Variants in NBAS observed in about 807,000 individuals in gnomAD.
NBAS encodes NBAS subunit of NRZ tethering complex.
NBAS carries 219 observed loss-of-function variants against 302.5 expected under a neutral mutation model. That is an observed-to-expected ratio of 0.72 (90% confidence interval 0.65 to 0.81). The LOEUF (loss-of-function observed/expected upper bound fraction) is 0.81, where lower values mean the gene tolerates loss of function less well. NBAS is among the 30% of genes least tolerant of loss of function. The pLI, the probability that NBAS is intolerant of heterozygous loss-of-function variation, is 0.00. For synonymous variants in NBAS, 1,118 were observed against 1,021.6 expected (o/e 1.09, Z -1.80); for missense variants, 2,932 against 2,841.6 (o/e 1.03, Z -0.72).
chr2:14,977,710 TAG>T, the NBAS span, among the ~76,000 whole-genome samples: 1 of 152,220 alleles, frequency 6.6e-6, no homozygotes, highest in Non-Finnish European at 1.5e-5. Context: ...CTTGGACAAT[TAG>T]AGTCTTTCCC....
chr2:14,997,991 C>T, the NBAS span, among the ~76,000 whole-genome samples: 3 of 152,156 alleles, frequency 2.0e-5, no homozygotes, highest in African/African-American at 7.2e-5. Context: ...TCGCTTTTTC[C>T]CATTCAGAAA....
At chr2:15,241,955 G>A (rs555801161) in intron 44 of NBAS, among the ~76,000 whole-genome samples, 39 of 152,206 alleles carry the variant, frequency 2.6e-4, no homozygotes, top group Admixed American at 1.4e-3. Context: ...TTTACTTGCC[G>A]TCTTGTCTCA....
rs1339271484 is a variant in NBAS at position 15,379,606 on chromosome 2, C to A, written c.3586G>T (p.Ala1196Ser). The change falls in exon 30 of 52, where the codon GCC becomes TCC. Residue 1196 changes from alanine (A) to serine (S), a missense_variant. Transcript: ENST00000281513. Reference protein sequence around the residue: ...TNLTDSCMDLARCCLQLITDR... With the variant: ...TNLTDSCMDLSRCCLQLITDR... ...AAGAATATAGAGTTATTCTACCTGGCTAGATCCATGCAGCTATCAGTGAGG... is the reference window on the plus strand; with the variant it reads ...AAGAATATAGAGTTATTCTACCTGGATAGATCCATGCAGCTATCAGTGAGG... 2.5e-6 allele frequency: 4 copies of A among 1,613,614 alleles called. No homozygotes were observed. In the African/African-American group the frequency reaches 4.0e-5, roughly 16 times the overall value.
chr2:15,383,761 T>C (rs947861417), intron 28 of NBAS, among the ~76,000 whole-genome samples: 4 of 152,142 alleles, frequency 2.6e-5, no homozygotes, highest in Non-Finnish European at 5.9e-5. Context: ...AACTGAACAT[T>C]CACATCCATA....
Position 15,190,251 on chromosome 2 carries a change from T to C in NBAS, c.6572+13A>G, listed in dbSNP as rs1338530556. On this transcript the variant is annotated intron_variant, in intron 49 of 51. Transcript: ENST00000281513. Reference sequence around the variant, plus strand: ...AAGAACTCTAATTACGCTAATTTTATGTTAATACTTACACATATTCACTTT... The same window carrying C: ...AAGAACTCTAATTACGCTAATTTTACGTTAATACTTACACATATTCACTTT... 1 of 1,613,744 alleles carries C rather than the reference T, an allele frequency of 6.2e-7. No individual in the cohort carries two copies. Among genetic ancestry groups the C allele is most frequent in the Non-Finnish European group, 8.5e-7 (1 of 1,179,736 alleles).
intron 6 of NBAS, among the ~76,000 whole-genome samples, chr2:15,540,508 C>T (rs1417842112): frequency 6.6e-6 from 1 of 151,938 alleles, no homozygotes; most frequent in East Asian, 1.9e-4. Flanking sequence ...ATAAACAGAT[C>T]ACATTCTTCT....
chr2:15,468,681 G>C, intron 16 of NBAS, 148 bp from the exon 17 acceptor site: 1 of 889,168 alleles, frequency 1.1e-6, no homozygotes, highest in Non-Finnish European at 1.8e-6. Context: ...GAACTCAAGA[G>C]AAAAGCAGCC....
chr2:15,504,550 A>T (rs995993309), intron 10 of NBAS, among the ~76,000 whole-genome samples: 3 of 152,220 alleles, frequency 2.0e-5, no homozygotes, highest in African/African-American at 7.2e-5. Flanking sequence ...GTATAGAAAA[A>T]GCTAAAACTT....
intron 44 of NBAS, among the ~76,000 whole-genome samples, chr2:15,263,151 C>T (rs1483430139): frequency 6.6e-6 from 1 of 152,150 alleles, no homozygotes; most frequent in African/African-American, 2.4e-5. Context: ...ATATATGTAT[C>T]TTTTCTTGAG....
At chr2:15,052,015 T>G in the NBAS span, among the ~76,000 whole-genome samples, 1 of 152,188 alleles carries the variant, frequency 6.6e-6, no homozygotes, top group South Asian at 2.1e-4. Flanking sequence ...GATAACTTAT[T>G]ATAGTGACAA....
chr2:15,175,260 C>T (rs769647054), intron 51 of NBAS, among the ~76,000 whole-genome samples: 52 of 152,104 alleles, frequency 3.4e-4, no homozygotes, highest in Non-Finnish European at 6.2e-4. Flanking sequence ...CCACCGTGCC[C>T]GGCCAACACT....
the NBAS span, among the ~76,000 whole-genome samples, chr2:14,811,557 G>C: frequency 6.6e-6 from 1 of 152,194 alleles, no homozygotes; most frequent in Admixed American, 6.5e-5. Context: ...CATGATACTG[G>C]CATTTAGGAG....
chr2:15,553,130 T>C (rs1225907724), intron 5 of NBAS, among the ~76,000 whole-genome samples: 2 of 152,148 alleles, frequency 1.3e-5, no homozygotes, highest in African/African-American at 4.8e-5. Flanking sequence ...TAGCAGTAAA[T>C]AGTCACACAA....
At chr2:15,201,096 G>A (rs183842566) in intron 48 of NBAS, among the ~76,000 whole-genome samples, 1 of 152,220 alleles carries the variant, frequency 6.6e-6, no homozygotes, top group Admixed American at 6.5e-5. Flanking sequence ...ATTGCTCCAG[G>A]TAACTCACAG....
At chr2:15,242,422 A>T (rs959677759) in intron 44 of NBAS, among the ~76,000 whole-genome samples, 5 of 152,226 alleles carry the variant, frequency 3.3e-5, no homozygotes, top group African/African-American at 4.8e-5. Flanking sequence ...GATTAAAAAT[A>T]TGTAAGGTGT....
intron 9 of NBAS, among the ~76,000 whole-genome samples, chr2:15,528,402 G>A (rs902299816): frequency 6.8e-6 from 1 of 146,182 alleles, no homozygotes; most frequent in Non-Finnish European, 1.5e-5. Context: ...CAATATGAAT[G>A]TTTATATTAT....
chr2:14,914,837 G>C, the NBAS span, among the ~76,000 whole-genome samples: 1 of 152,178 alleles, frequency 6.6e-6, no homozygotes, highest in Non-Finnish European at 1.5e-5. Context: ...TGGGCACAGG[G>C]AGTAGAAAAG....
chr2:15,376,712 G>A (rs997915304), intron 30 of NBAS, among the ~76,000 whole-genome samples: 5 of 151,980 alleles, frequency 3.3e-5, no homozygotes, highest in Non-Finnish European at 7.4e-5. Context: ...TTTTTGTATT[G>A]TTTAAATATT....
chr2:15,403,953 C>T (rs1311359383), intron 25 of NBAS, among the ~76,000 whole-genome samples: 1 of 144,194 alleles, frequency 6.9e-6, no homozygotes, highest in African/African-American at 2.6e-5. Context: ...GTTGCTCAGG[C>T]TGGTCTCAAA....
Sources: allele counts gnomAD v4.1 joint callset (sites outside exome capture counted in the v4.1 genomes callset), GRCh38; gene constraint gnomAD v4.1.1; transcripts MANE v1.5; gene names NCBI Gene and HGNC (gene_info 2026-07-23, HGNC 2026-07-21).